LRRIQ1: variants seen among roughly 807,000 people sequenced by gnomAD.
The protein encoded by LRRIQ1 is leucine-rich repeat- and IQ domain-containing protein 1.
A neutral mutation model predicts 211.9 loss-of-function variants in LRRIQ1; 210 were observed. The observed-to-expected ratio is 0.99, with a 90% CI of 0.89 to 1.11. The LOEUF is 1.11. LRRIQ1 is among the 50% of genes most tolerant of loss of function. The pLI is 0.00. For synonymous variants in LRRIQ1, 699 were observed against 650.1 expected (o/e 1.08, Z -1.14); for missense variants, 2,136 against 1,939.5 (o/e 1.10, Z -1.90).
chr12:85,174,525 T>C, intron 24 of LRRIQ1, among the ~76,000 whole-genome samples: 1 of 148,958 alleles, frequency 6.7e-6, no homozygotes, highest in African/African-American at 2.5e-5. Context: ...CAAAACCCTG[T>C]CTCTACTAAA....
At chr12:85,257,128 A>ATT (rs1896133448) in intron 1 of LRRIQ1, among the ~76,000 whole-genome samples, 15 of 17,476 alleles carry the variant, frequency 8.6e-4, no homozygotes, top group African/African-American at 3.2e-3. Context: ...CATAATATAT[A>ATT]ATATATATTA....
chr12:85,080,536 G>A (rs942484556), intron 11 of LRRIQ1, among the ~76,000 whole-genome samples: 1 of 151,370 alleles, frequency 6.6e-6, no homozygotes, highest in Admixed American at 6.6e-5. Flanking sequence ...TTGTCTCCAT[G>A]TATTTCTCTG....
chr12:85,110,644 T>C lies in LRRIQ1; in HGVS notation c.3377+4029T>C, dbSNP rs1336082565. 2.0e-5 allele frequency among the ~76,000 whole-genome samples: 3 copies of C among 152,186 alleles called. No homozygotes were observed. In the East Asian group the frequency reaches 5.8e-4, roughly 29 times the overall value. ...TTAGAAAAATCATCTCAGTTTAGTG[T>C]GACAAGGAGAAACGGCCTTGGCTAA... is the stretch of plus-strand genomic sequence containing the variant. On this transcript the variant is annotated intron_variant, in intron 15 of 26. Coordinates refer to ENST00000393217, the MANE Select transcript of LRRIQ1 (RefSeq NM_001079910.2).
intron 6 of LRRIQ1, 164 bp downstream of exon 6, chr12:85,047,634 C>A: frequency 1.7e-6 from 1 of 572,424 alleles, no homozygotes; most frequent in South Asian, 2.3e-5. Flanking sequence ...ATATGAGGTC[C>A]TTGATTAGTT....
chr12:85,154,308 CTCTT>C (rs1370135497), intron 23 of LRRIQ1, among the ~76,000 whole-genome samples: 1 of 150,990 alleles, frequency 6.6e-6, no homozygotes, highest in Non-Finnish European at 1.5e-5. Context: ...ACTTTTTCGG[CTCTT>C]TCTTATATAC....
chr12:85,120,632 G>T (rs916750867), intron 15 of LRRIQ1, among the ~76,000 whole-genome samples: 4 of 152,136 alleles, frequency 2.6e-5, no homozygotes, highest in African/African-American at 9.7e-5. Context: ...ACTTATATCT[G>T]GACAATATTG....
chr12:85,234,178 C>T (rs1160374696), intron 26 of LRRIQ1, among the ~76,000 whole-genome samples: 9 of 151,930 alleles, frequency 5.9e-5, no homozygotes, highest in South Asian at 4.2e-4. Context: ...TGGAAATTGC[C>T]GTGACTTGAG....
chr12:85,057,232 C>G, intron 8 of LRRIQ1, 48 bp downstream of exon 8: 2 of 1,217,032 alleles, frequency 1.6e-6, no homozygotes, highest in Non-Finnish European at 2.2e-6. Context: ...ACAATTAGCT[C>G]TTTAAAGTAT....
downstream of LRRIQ1, among the ~76,000 whole-genome samples, chr12:85,248,172 G>A (rs552760958): frequency 1.3e-5 from 2 of 151,306 alleles, no homozygotes; most frequent in Non-Finnish European, 3.0e-5. Flanking sequence ...GCAATTTATA[G>A]CTTTATACAT....
At chr12:85,103,191 T>G (rs1226315793) in intron 13 of LRRIQ1, among the ~76,000 whole-genome samples, 1 of 150,580 alleles carries the variant, frequency 6.6e-6, no homozygotes, top group Non-Finnish European at 1.5e-5. Context: ...ACTATTTTTG[T>G]TTGAATATGG....
intron 19 of LRRIQ1, among the ~76,000 whole-genome samples, chr12:85,146,933 C>T (rs934221804): frequency 9.2e-5 from 14 of 151,854 alleles, no homozygotes; most frequent in African/African-American, 2.7e-4. Context: ...TCTATATTAC[C>T]TTCCATGCAT....
chr12:85,222,839 AGG>A (rs1894463705), intron 24 of LRRIQ1, among the ~76,000 whole-genome samples: 1 of 152,146 alleles, frequency 6.6e-6, no homozygotes, highest in Non-Finnish European at 1.5e-5. Context: ...CAGGTAAGAA[AGG>A]TACCCTTACA....
At chr12:85,228,093 A>T (rs910233204) in intron 24 of LRRIQ1, among the ~76,000 whole-genome samples, 6 of 152,222 alleles carry the variant, frequency 3.9e-5, no homozygotes, top group African/African-American at 1.4e-4. Context: ...TGGCAATACC[A>T]TTCAGGACAT....
intron 24 of LRRIQ1, among the ~76,000 whole-genome samples, chr12:85,224,153 C>CA (rs1555226859): frequency 0.2 from 29,712 of 151,690 alleles, 7,232 homozygotes; most frequent in African/African-American, 0.58. Flanking sequence ...TGAAAAAAAG[C>CA]TCATCACTGG....
intron 14 of LRRIQ1, among the ~76,000 whole-genome samples, chr12:85,105,641 G>C (rs952167316): frequency 8.6e-5 from 13 of 152,006 alleles, no homozygotes; most frequent in Non-Finnish European, 2.9e-5. Flanking sequence ...AGATAGTTCA[G>C]TAAGTCAGGG....
At chr12:85,145,871 A>G (rs570386836) in intron 19 of LRRIQ1, among the ~76,000 whole-genome samples, 1 of 151,904 alleles carries the variant, frequency 6.6e-6, no homozygotes, top group South Asian at 2.1e-4. Flanking sequence ...AATCTGTCGT[A>G]AGTCATGCAG....
intron 24 of LRRIQ1, among the ~76,000 whole-genome samples, chr12:85,191,827 T>C (rs1892525651): frequency 6.6e-6 from 1 of 151,896 alleles, no homozygotes; most frequent in Non-Finnish European, 1.5e-5. Context: ...AAGTGGGGGG[T>C]AGTACCACAT....
chr12:85,239,125 A>C (rs1219373878), intron 26 of LRRIQ1, among the ~76,000 whole-genome samples: 1 of 152,150 alleles, frequency 6.6e-6, no homozygotes, highest in East Asian at 1.9e-4. Context: ...CCATATTTAT[A>C]AATAAGTTGA....
chr12:85,162,945 AAT>A (rs1390298229), intron 24 of LRRIQ1: 2 of 362,140 alleles, frequency 5.5e-6, no homozygotes, highest in East Asian at 1.5e-4. Flanking sequence ...TTTAACAGTT[AAT>A]ATGTTTATTC....
Sources: allele counts gnomAD v4.1 joint callset (sites outside exome capture counted in the v4.1 genomes callset), GRCh38; gene constraint gnomAD v4.1.1; transcripts MANE v1.5; gene names NCBI Gene and HGNC (gene_info 2026-07-23, HGNC 2026-07-21).